PDE5A: variants seen among roughly 807,000 people sequenced by gnomAD.
PDE5A encodes cGMP-specific 3',5'-cyclic phosphodiesterase.
Under a neutral mutation model 110.2 loss-of-function variants are expected in PDE5A, and 67 were observed. That is an observed-to-expected ratio of 0.61 (90% confidence interval 0.50 to 0.75). PDE5A has a LOEUF of 0.75. Among genes scored for constraint, PDE5A ranks in the 30% least tolerant of loss-of-function variants. The pLI, the probability that PDE5A is intolerant of heterozygous loss-of-function variation, is 0.00. For missense variants in PDE5A, 862 were observed against 1,045.1 expected, an observed-to-expected ratio of 0.82 and a Z score of 2.42; for synonymous variants, 328 against 351.2, an observed-to-expected ratio of 0.93 and a Z score of 0.74.
At chr4:119,580,328 A>G (rs1728545234) in intron 3 of PDE5A, among the ~76,000 whole-genome samples, 1 of 152,220 alleles carries the variant, frequency 6.6e-6, no homozygotes, top group Non-Finnish European at 1.5e-5. Context: ...CCCTTGAGAT[A>G]CAGAGATTCT....
chr4:119,595,324 C>T (rs1729115808), intron 3 of PDE5A, among the ~76,000 whole-genome samples: 1 of 152,202 alleles, frequency 6.6e-6, no homozygotes. Context: ...TTAACAAATA[C>T]TAATACCTGG....
intron 12 of PDE5A, among the ~76,000 whole-genome samples, chr4:119,521,392 A>T (rs2110470313): frequency 6.6e-6 from 1 of 151,520 alleles, no homozygotes; most frequent in South Asian, 2.1e-4. Context: ...TTTTAATAAA[A>T]GGTCCATGTG....
At chr4:119,520,877 T>C in intron 13 of PDE5A, 58 bp downstream of exon 13, 1 of 1,411,742 alleles carries the variant, frequency 7.1e-7, no homozygotes, top group Non-Finnish European at 9.7e-7. Context: ...GAATATGCTA[T>C]AAATTTTACT....
At chr4:119,625,674 T>C (rs1730320445) in intron 1 of PDE5A, among the ~76,000 whole-genome samples, 2 of 152,174 alleles carry the variant, frequency 1.3e-5, no homozygotes, top group South Asian at 4.1e-4. Context: ...ATATTCATTT[T>C]ACACTTACAA....
intron 3 of PDE5A, among the ~76,000 whole-genome samples, chr4:119,590,610 A>G (rs1728931335): frequency 6.6e-6 from 1 of 152,204 alleles, no homozygotes; most frequent in Non-Finnish European, 1.5e-5. Flanking sequence ...ATGTTTAGTA[A>G]TATCTATGAT....
chr4:119,628,747 A>G lies in PDE5A; in HGVS notation c.-76T>C, dbSNP rs1369794263. 1 of 1,574,748 alleles carries G rather than the reference A, an allele frequency of 6.4e-7. No homozygotes were observed. Among genetic ancestry groups the G allele is most frequent in the Non-Finnish European group, 8.6e-7 (1 of 1,165,186 alleles). The stretch of plus-strand genomic sequence containing the variant: ...GCTGGGGTCCGTCCCTCAGAAGAAC[A>G]GGACTCGGCCTCGAGACCCTCCCCC... On this transcript the variant is annotated 5_prime_UTR_variant, in exon 1 of 21. Transcript: ENST00000354960.
intron 9 of PDE5A, chr4:119,549,376 A>C (rs977420240): frequency 4.6e-5 from 7 of 152,232 alleles, no homozygotes; most frequent in African/African-American, 1.7e-4. Context: ...GTGGAAGTAA[A>C]AAACAGAACA....
At chr4:119,512,864 G>A (rs915424352) in intron 14 of PDE5A, 3 of 152,062 alleles carry the variant, frequency 2.0e-5, no homozygotes, top group Non-Finnish European at 4.4e-5. Context: ...TTCTGGGCTG[G>A]AGATATAGAT....
chr4:119,508,517 C>A (rs144068684), intron 15 of PDE5A, among the ~76,000 whole-genome samples: 1,583 of 151,952 alleles, frequency 0.01, 12 homozygotes, highest in Admixed American at 0.018. Context: ...GATCTGAAGG[C>A]AAGGGATTTG....
At chr4:119,505,736 G>A (rs544860370) in intron 17 of PDE5A, 119 bp downstream of exon 17, 36 of 618,048 alleles carry the variant, frequency 5.8e-5, no homozygotes, top group African/African-American at 4.9e-4. Context: ...AAATCTGACC[G>A]CTTTTAAGAT....
chr4:119,567,344 A>C (rs1057123658), intron 3 of PDE5A, among the ~76,000 whole-genome samples, 200 bp from the exon 4 acceptor site: 3 of 152,168 alleles, frequency 2.0e-5, no homozygotes, highest in Non-Finnish European at 4.4e-5. Context: ...AAGAATTCGA[A>C]TGTTTTTAAT....
intron 1 of PDE5A, among the ~76,000 whole-genome samples, chr4:119,609,419 A>G (rs1010206833): frequency 1.3e-5 from 2 of 152,230 alleles, no homozygotes; most frequent in African/African-American, 4.8e-5. Context: ...GTATGATATG[A>G]ATTAATTAAG....
intron 8 of PDE5A, among the ~76,000 whole-genome samples, chr4:119,552,921 A>G (rs1358355897): frequency 6.6e-6 from 1 of 152,108 alleles, no homozygotes; most frequent in East Asian, 1.9e-4. Flanking sequence ...AAAATAAGTA[A>G]AAGTACAGTA....
At chr4:119,570,251 CATT>C (rs1578785612) in intron 3 of PDE5A, among the ~76,000 whole-genome samples, 1 of 152,156 alleles carries the variant, frequency 6.6e-6, no homozygotes, top group Admixed American at 6.6e-5. Flanking sequence ...CAAATTAGAT[CATT>C]GTCTTTAAAT....
At chr4:119,521,593 G>A (rs75475204) in intron 12 of PDE5A, among the ~76,000 whole-genome samples, 6,713 of 151,954 alleles carry the variant, frequency 0.044, 218 homozygotes, top group Middle Eastern at 0.086. Flanking sequence ...GCACATGTCC[G>A]AGGACAAATT....
In PDE5A at chr4:119,532,826, A is replaced by G. The variant is rs73842661; in HGVS notation, c.1632+6134T>C. ...AGACATGTGGCTACATGGCTACGCA[A>G]TTTGCTCAATTGTGTAATCTTTGTA... On this transcript the variant is annotated intron_variant, in intron 11 of 20. Coordinates refer to ENST00000354960, the MANE Select transcript of PDE5A (RefSeq NM_001083.4). Among the ~76,000 whole-genome samples, 518 of 152,168 alleles carry G rather than the reference A, an allele frequency of 3.4e-3. 4 individuals carry two copies. The highest frequency in any genetic ancestry group is 0.012 in the African/African-American group (481 of 41,544).
Position 119,606,786 on chromosome 4 carries a change from G to A in PDE5A, c.664C>T (p.Arg222Cys), listed in dbSNP as rs201655857. 33 of 1,614,032 alleles carry A rather than the reference G, an allele frequency of 2.0e-5. No individual in the cohort carries two copies. The highest frequency in any genetic ancestry group is 1.9e-4 in the African/African-American group (14 of 74,902). The change falls in exon 2 of 21, where the codon CGC (arginine) becomes TGC (cysteine). Residue 222 changes from arginine to cysteine, a missense_variant. By Grantham distance (180) the Arg-to-Cys change is radical. Coordinates refer to ENST00000354960, the MANE Select transcript of PDE5A (RefSeq NM_001083.4). ...ACAATGCCTTTGTTCCATTCTAAGC[G>A]GATACAGTTATTTGAAACTTCTTCC... The part of the protein sequence containing the change: ...TLEEVSNNCI[R>C]LEWNKGIVGH...
At chr4:119,535,084 C>T (rs1288154168) in intron 11 of PDE5A, among the ~76,000 whole-genome samples, 2 of 152,180 alleles carry the variant, frequency 1.3e-5, no homozygotes, top group African/African-American at 4.8e-5. Flanking sequence ...GACCCACAGA[C>T]CCTGACAGAG....
chr4:119,564,230 T>C (rs965487529), intron 5 of PDE5A, among the ~76,000 whole-genome samples: 2 of 152,082 alleles, frequency 1.3e-5, no homozygotes, highest in African/African-American at 4.8e-5. Flanking sequence ...GGATGCTAGT[T>C]AGAAGACAAA....
Sources: allele counts gnomAD v4.1 joint callset (sites outside exome capture counted in the v4.1 genomes callset), GRCh38; gene constraint gnomAD v4.1.1; transcripts MANE v1.5; gene names NCBI Gene and HGNC (gene_info 2026-07-23, HGNC 2026-07-21).